The following CATSPER4 variants were observed in gnomAD, a reference collection of about 807,000 sequenced individuals.
CATSPER4 encodes the protein cation channel sperm associated 4, also known as cation channel sperm-associated protein 4.
In CATSPER4, 46 loss-of-function variants were observed where a neutral mutation model predicts 54.4. That is an observed-to-expected ratio of 0.84 (90% CI 0.67 to 1.08). The LOEUF (loss-of-function observed/expected upper bound fraction) is 1.08, where lower values mean the gene tolerates loss of function less well. Ranked by LOEUF, CATSPER4 falls within the 50% of genes least tolerant of loss-of-function variation. The pLI is 0.00. For synonymous variants in CATSPER4, 230 were observed against 231.9 expected, an observed-to-expected ratio of 0.99 and a Z score of 0.08; for missense variants, 574 against 612.8, an observed-to-expected ratio of 0.94 and a Z score of 0.67.
chr1:26,196,245 A>AG (rs1161893406), intron 3 of CATSPER4, among the ~76,000 whole-genome samples: 1 of 150,358 alleles, frequency 6.7e-6, no homozygotes, highest in African/African-American at 2.4e-5. Flanking sequence ...AGCCTCTCAA[A>AG]GCACCAGGAT....
At position 26,200,876 on chromosome 1, in the gene CATSPER4, A is replaced by G. The variant is rs201202930; in HGVS notation, c.1034A>G (p.His345Arg). 6.2e-7 allele frequency: 1 copy of G among 1,614,132 alleles called. No individual in the cohort carries two copies. The highest frequency in any genetic ancestry group is 1.3e-5 in the African/African-American group (1 of 75,030). ...GAGAATGACCAGCTGCCACTGGTGCATTGTGTGGTCGCCCGCTCGGAGAAA... is the reference window on the plus strand; with the variant it reads ...GAGAATGACCAGCTGCCACTGGTGCGTTGTGTGGTCGCCCGCTCGGAGAAA... Reference protein sequence around the residue: ...EEENDQLPLVHCVVARSEKSG... With the variant: ...EEENDQLPLVRCVVARSEKSG... The change falls in exon 8 of 10, where the codon CAT becomes CGT. Residue 345 changes from histidine (H) to arginine (R), a missense_variant. Coordinates refer to ENST00000456354, the MANE Select transcript of CATSPER4 (RefSeq NM_198137.2).
At position 26,191,331 on chromosome 1, in the gene CATSPER4, G is replaced by C. The variant is rs1227220962; in HGVS notation, c.258G>C (p.Lys86Asn). 6.2e-7 allele frequency: 1 copy of C among 1,614,050 alleles called. No homozygotes were observed. The highest frequency in any genetic ancestry group is 8.5e-7 in the Non-Finnish European group (1 of 1,180,048). ...MQEFITHMYI[K>N]QLLRHPAFQL... ...AGTTCATCACTCACATGTACATCAA[G>C]CAGCTGCTCCGACACCCCGCCTTCC... The change falls in exon 2 of 10, where the codon AAG becomes AAC. Residue 86 changes from lysine (K) to asparagine (N), a missense_variant. Transcript: ENST00000456354.
intron 9 of CATSPER4, 33 bp from the exon 10 acceptor site, chr1:26,202,456 G>A (rs890507997): frequency 1.3e-6 from 2 of 1,599,338 alleles, no homozygotes; most frequent in South Asian, 1.1e-5. Flanking sequence ...CGGGGGGAGT[G>A]GGGGATTAAC....
chr1:26,202,614 G>A lies in CATSPER4; in HGVS notation c.*72G>A. On this transcript the variant is annotated 3_prime_UTR_variant, in exon 10 of 10. Transcript: ENST00000456354. ...CTGCGTCTTCCTGTGTCCTTAGTGT[G>A]GCTTGGCAGAGCCTGGCCAGAGCCC... 6.9e-7 allele frequency: 1 copy of A among 1,445,220 alleles called. No individual in the cohort carries two copies. The highest frequency in any genetic ancestry group is 9.6e-7 in the Non-Finnish European group (1 of 1,043,276). 89.5% of individuals were successfully genotyped at this position (1,445,220 alleles called of 1,614,324 possible).
intron 2 of CATSPER4, 102 bp from the exon 3 acceptor site, chr1:26,193,685 T>C (rs1369272464): frequency 1.3e-6 from 1 of 789,486 alleles, no homozygotes; most frequent in Non-Finnish European, 2.3e-6. Context: ...GCAGCAGTGA[T>C]ACGGGACTTC....
At position 26,190,786 on chromosome 1, in the gene CATSPER4, C is replaced by T. The variant is rs750774174; in HGVS notation, c.159C>T (p.Tyr53=). 1.8e-5 allele frequency: 29 copies of T among 1,613,138 alleles called. No homozygotes were observed. The highest frequency in any genetic ancestry group is 3.3e-4 in the Middle Eastern group (2 of 6,048). The change falls in exon 1 of 10, where the codon TAC becomes TAT. Residue 53 remains tyrosine (Y), a synonymous_variant. Transcript: ENST00000456354. The part of the protein sequence containing the change: ...SPLQSTIHES[Y]GRPEEQVLIN... Reference sequence around the variant, plus strand: ...TGCAGAGTACCATTCACGAGTCCTACGGTCGGCCAGAGGAGCAAGTGCTCA... The same window carrying T: ...TGCAGAGTACCATTCACGAGTCCTATGGTCGGCCAGAGGAGCAAGTGCTCA...
chr1:26,197,839 A>T (rs569363493), intron 4 of CATSPER4, 56 bp downstream of exon 4: 270 of 1,605,236 alleles, frequency 1.7e-4, no homozygotes, highest in Non-Finnish European at 2.1e-4. Context: ...CAGGAATGAG[A>T]TGGGGGGATA....
At chr1:26,191,546 G>A (rs1400051821) in intron 2 of CATSPER4, 116 bp downstream of exon 2, 1 of 1,214,008 alleles carries the variant, frequency 8.2e-7, no homozygotes, top group South Asian at 1.3e-5. Context: ...TGCTCTTCAA[G>A]GGTCTGTCAG....
intron 3 of CATSPER4, 41 bp from the exon 4 acceptor site, chr1:26,197,645 C>T (rs1228021367): frequency 7.0e-7 from 1 of 1,432,058 alleles, no homozygotes; most frequent in Admixed American, 1.7e-5. Flanking sequence ...CCCCCATGGG[C>T]TGGGCCTGAC....
rs2088958741 is a variant in CATSPER4, at chr1:26,197,778, T to A, written c.552T>A (p.Thr184=). The stretch of plus-strand genomic sequence containing the variant: ...TCAATATTCCCTCCATCAACTACAC[T>A]CTCAGGTGAGCGGGGAGCTCTGGAG... ...NEINIPSINY[T]LRALRLVHVC... The change falls in exon 4 of 10, where the codon ACT becomes ACA. Residue 184 remains threonine, a synonymous_variant. Transcript: ENST00000456354. 4 of 1,612,444 alleles carry A rather than the reference T, an allele frequency of 2.5e-6. No homozygotes were observed. Among genetic ancestry groups the A allele is most frequent in the Non-Finnish European group, 3.4e-6 (4 of 1,178,674 alleles).
intron 9 of CATSPER4, among the ~76,000 whole-genome samples, chr1:26,201,978 T>C (rs914554275): frequency 2.0e-5 from 3 of 152,188 alleles, no homozygotes; most frequent in East Asian, 1.9e-4. Context: ...CGTGAGCCAC[T>C]GCACCTGGCT....
chr1:26,195,605 C>T (rs889560939), intron 3 of CATSPER4, among the ~76,000 whole-genome samples: 11 of 151,932 alleles, frequency 7.2e-5, no homozygotes, highest in African/African-American at 2.7e-4. Flanking sequence ...GGGTTCACAC[C>T]ATTCTTCTGC....
At chr1:26,200,734 G>T in intron 7 of CATSPER4, 96 bp from the exon 8 acceptor site, 1 of 937,840 alleles carries the variant, frequency 1.1e-6, no homozygotes, top group Middle Eastern at 3.1e-4. Context: ...GAACCCTGGG[G>T]TCCTAAGAGA....
intron 7 of CATSPER4, 60 bp from the exon 8 acceptor site, chr1:26,200,770 G>A: frequency 7.4e-7 from 1 of 1,354,750 alleles, no homozygotes; most frequent in Non-Finnish European, 1.1e-6. Flanking sequence ...AGCAGGAAAA[G>A]GGTGCCGGGG....
intron 3 of CATSPER4, 25 bp from the exon 4 acceptor site, chr1:26,197,661 C>G: frequency 1.9e-6 from 3 of 1,567,726 alleles, no homozygotes; most frequent in Non-Finnish European, 2.6e-6. Context: ...CTGACAGACC[C>G]CACTGGGGCT....
intron 9 of CATSPER4, 149 bp from the exon 10 acceptor site, chr1:26,202,339 AG>A (rs1184653160): frequency 8.3e-6 from 6 of 723,630 alleles, no homozygotes; most frequent in Non-Finnish European, 1.5e-5. Flanking sequence ...CCAAACTCAG[AG>A]GGGGTACTAG....
chr1:26,191,221 G>A, intron 1 of CATSPER4, 66 bp from the exon 2 acceptor site: 3 of 1,596,096 alleles, frequency 1.9e-6, no homozygotes, highest in Middle Eastern at 1.7e-4. Flanking sequence ...TTCTCTAAGA[G>A]CAAACCCCCA....
At chr1:26,196,397 TTTTCC>T (rs2088938742) in intron 3 of CATSPER4, among the ~76,000 whole-genome samples, 1 of 141,382 alleles carries the variant, frequency 7.1e-6, no homozygotes, top group Admixed American at 8.4e-5. Context: ...GTTGGTTTTC[TTTTCC>T]TTTTTTTTTT....
At chr1:26,201,275 G>T in intron 8 of CATSPER4, 79 bp from the exon 9 acceptor site, 1 of 1,474,380 alleles carries the variant, frequency 6.8e-7, no homozygotes, top group Non-Finnish European at 9.4e-7. Flanking sequence ...GCGAAGCGGG[G>T]GTGACGCCAG....
Sources: gnomAD v4.1 joint callset for allele counts (sites outside exome capture counted in the v4.1 genomes callset) on GRCh38, gnomAD v4.1.1 for gene constraint, MANE v1.5 for transcripts, NCBI Gene and HGNC (gene_info 2026-07-23, HGNC 2026-07-21) for gene names.